Variants in SYPL1 observed in about 807,000 individuals in gnomAD.
The protein encoded by SYPL1 is synaptophysin like 1.
SYPL1 carries 6 observed loss-of-function variants against 23.7 expected under a neutral mutation model. The ratio of observed to expected loss-of-function variants is 0.25; its 90% CI spans 0.14 to 0.50. The LOEUF (loss-of-function observed/expected upper bound fraction) is 0.50, where lower values mean the gene tolerates loss of function less well. Among genes scored for constraint, SYPL1 ranks in the 20% least tolerant of loss-of-function variants. The pLI, the probability that SYPL1 is intolerant of heterozygous loss-of-function variation, is 0.98. For missense variants in SYPL1, 253 were observed against 288.9 expected (o/e 0.88, Z 0.90); for synonymous variants, 102 against 104.5 (o/e 0.98, Z 0.15).
At position 106,112,226 on chromosome 7, in the gene SYPL1, G is replaced by A. The variant is rs1170331593; in HGVS notation, c.-18C>T. The A allele has an allele frequency of 7.8e-6, 12 of 1,533,924 alleles. No individual in the cohort carries two copies. Among genetic ancestry groups the A allele is most frequent in the Admixed American group, 3.6e-5 (2 of 55,538 alleles). ...CCGGACATCCTCTGAGGAAAGGAGG[G>A]AGAGAGAGTCAGGACGACGGGGCGG... On this transcript the variant is annotated 5_prime_UTR_variant, in exon 1 of 5. Coordinates refer to ENST00000455385, the MANE Select transcript of SYPL1 (RefSeq NM_182715.4).
chr7:106,093,587 ATCTG>A (rs1380225020), intron 3 of SYPL1, among the ~76,000 whole-genome samples: 8 of 69,006 alleles, frequency 1.2e-4, no homozygotes, highest in Non-Finnish European at 2.3e-4. Flanking sequence ...AAGACCTACA[ATCTG>A]ATCCTACTGC....
chr7:106,107,790 T>C (rs961661922), intron 1 of SYPL1, among the ~76,000 whole-genome samples: 6 of 149,868 alleles, frequency 4.0e-5, no homozygotes, highest in Admixed American at 4.0e-4. Flanking sequence ...AACTCTAGAG[T>C]TCCTACTGAA....
rs537984265 is a variant in SYPL1, at chr7:106,104,728, A to G, written c.70-5446T>C. On this transcript the variant is annotated intron_variant, in intron 1 of 4. Coordinates refer to ENST00000455385, the MANE Select transcript of SYPL1 (RefSeq NM_182715.4). The surrounding 1 kb of genome is among the most constrained non-coding windows in gnomAD (Gnocchi z 4.1). ...TGACAGCAATTCTGGTCTTTATCTT[A>G]TAGAAAGAAGGGACAAAAGCACATA... 6.6e-6 allele frequency among the ~76,000 whole-genome samples: 1 copy of G among 152,346 alleles called. No homozygotes were observed. The highest frequency in any genetic ancestry group is 2.1e-4 in the South Asian group (1 of 4,830).
In SYPL1 at chr7:106,104,998, T is replaced by C. The variant is rs907446896; in HGVS notation, c.70-5716A>G. 6.6e-6 allele frequency among the ~76,000 whole-genome samples: 1 copy of C among 152,184 alleles called. No homozygotes were observed. Among genetic ancestry groups the C allele is most frequent in the Non-Finnish European group, 1.5e-5 (1 of 68,038 alleles). On this transcript the variant is annotated intron_variant, in intron 1 of 4. Coordinates refer to ENST00000455385, the MANE Select transcript of SYPL1 (RefSeq NM_182715.4). The surrounding 1 kb of genome is among the most constrained non-coding windows in gnomAD (Gnocchi z 4.1). ...TTGGATTTCCTGCTTTTCCTGAGTG[T>C]GTATGGGAAAGCTGAAGAATGGCAA...
Position 106,112,307 on chromosome 7 carries a change from T to A in SYPL1, c.-99A>T, listed in dbSNP as rs1278851935. ...GGTGGCGAGGAAGGGCAGGCGGGGC[T>A]GGCGCGCTGGCCGGGCTCGGAGGCG... On this transcript the variant is annotated 5_prime_UTR_variant, in exon 1 of 5. Transcript: ENST00000455385. 6.3e-6 allele frequency: 8 copies of A among 1,275,748 alleles called. No individual in the cohort carries two copies. The highest frequency in any genetic ancestry group is 8.0e-6 in the Non-Finnish European group (8 of 998,554). The allele number at this position is 1,275,748 out of a possible 1,614,324, so 79.0% of individuals were successfully genotyped here. A position where few individuals can be genotyped will look rare whatever the true frequency, so the allele number is the denominator to read the frequency against.
At chr7:106,106,701 T>TG (rs1840624580) in intron 1 of SYPL1, among the ~76,000 whole-genome samples, 1 of 151,800 alleles carries the variant, frequency 6.6e-6, no homozygotes, top group Non-Finnish European at 1.5e-5. Context: ...TAGAAGTAGC[T>TG]GGGGGTGGTG....
At chr7:106,102,939 A>G (rs1230352092) in intron 1 of SYPL1, among the ~76,000 whole-genome samples, 1 of 152,152 alleles carries the variant, frequency 6.6e-6, no homozygotes, top group Non-Finnish European at 1.5e-5. Flanking sequence ...TTTTTTTTGT[A>G]AAAAAGAACC....
intron 2 of SYPL1, among the ~76,000 whole-genome samples, chr7:106,098,396 T>C (rs1840138968): frequency 6.6e-6 from 1 of 152,192 alleles, no homozygotes; most frequent in African/African-American, 2.4e-5. Context: ...ATGTGAGAAG[T>C]GTCTAGGAGA....
In SYPL1 at chr7:106,104,715, T is replaced by C. The variant is rs1418754994; in HGVS notation, c.70-5433A>G. On this transcript the variant is annotated intron_variant, in intron 1 of 4. Coordinates refer to ENST00000455385, the MANE Select transcript of SYPL1 (RefSeq NM_182715.4). This position sits in a 1 kb window ranked among gnomAD's most constrained non-coding sequence, Gnocchi z 4.1. ...TAGATAAATATCATGACAGCAATTCTGGTCTTTATCTTATAGAAAGAAGGG... is the reference window on the plus strand; with the variant it reads ...TAGATAAATATCATGACAGCAATTCCGGTCTTTATCTTATAGAAAGAAGGG... 6.6e-6 allele frequency among the ~76,000 whole-genome samples: 1 copy of C among 152,272 alleles called. No homozygotes were observed. Among genetic ancestry groups the C allele is most frequent in the Non-Finnish European group, 1.5e-5 (1 of 68,052 alleles).
At chr7:106,105,050 A>T (rs963846111) in intron 1 of SYPL1, among the ~76,000 whole-genome samples, 1 of 152,196 alleles carries the variant, frequency 6.6e-6, no homozygotes, top group Admixed American at 6.5e-5. Flanking sequence ...TCATAAAGCA[A>T]CAATCAGAGA....
intron 2 of SYPL1, among the ~76,000 whole-genome samples, chr7:106,098,187 C>A (rs1343450146): frequency 6.6e-6 from 1 of 152,102 alleles, no homozygotes; most frequent in Admixed American, 6.5e-5. Context: ...GAGATTATAC[C>A]AAATGGTTTA....
At chr7:106,107,371 C>G (rs1042724032) in intron 1 of SYPL1, among the ~76,000 whole-genome samples, 1 of 152,236 alleles carries the variant, frequency 6.6e-6, no homozygotes, top group African/African-American at 2.4e-5. Flanking sequence ...CAGTTTCACT[C>G]TATCTCCCTT....
intron 1 of SYPL1, among the ~76,000 whole-genome samples, chr7:106,108,792 T>C (rs1462360947): frequency 6.6e-6 from 1 of 152,212 alleles, no homozygotes; most frequent in Non-Finnish European, 1.5e-5. Context: ...CAGTGGTGTT[T>C]ACCTCATCAA....
rs1366266271 is a variant in SYPL1 at position 106,096,031 on chromosome 7, G to C, written c.402+1659C>G. 6.6e-6 allele frequency among the ~76,000 whole-genome samples: 1 copy of C among 152,160 alleles called. No homozygotes were observed. Among genetic ancestry groups the C allele is most frequent in the Non-Finnish European group, 1.5e-5 (1 of 68,012 alleles). On this transcript the variant is annotated intron_variant, in intron 3 of 4. Coordinates refer to ENST00000455385, the MANE Select transcript of SYPL1 (RefSeq NM_182715.4). This position sits in a 1 kb window ranked among gnomAD's most constrained non-coding sequence, Gnocchi z 4.4. Reference sequence around the variant, plus strand: ...TGGGATGACAAAATGGCAAGAAATAGCTTCTAGTTATAAAGAATTTTAACA... The same window carrying C: ...TGGGATGACAAAATGGCAAGAAATACCTTCTAGTTATAAAGAATTTTAACA...
At chr7:106,099,549 C>A (rs1486176213) in intron 1 of SYPL1, among the ~76,000 whole-genome samples, 2 of 152,026 alleles carry the variant, frequency 1.3e-5, no homozygotes, top group Non-Finnish European at 2.9e-5. Context: ...CATCACCACA[C>A]CTGGCTAATT....
intron 1 of SYPL1, among the ~76,000 whole-genome samples, chr7:106,108,953 G>A (rs1019246139): frequency 1.3e-5 from 2 of 152,144 alleles, no homozygotes; most frequent in Admixed American, 1.3e-4. Flanking sequence ...AACTGGTGGG[G>A]AAAACTGCCG....
At position 106,104,924 on chromosome 7, in the gene SYPL1, TG is replaced by T. The variant is rs1049250684; in HGVS notation, c.70-5643del. Among the ~76,000 whole-genome samples the T allele has an allele frequency of 6.6e-5, 10 of 152,324 alleles. No individual in the cohort carries two copies. Among genetic ancestry groups the T allele is most frequent in the Admixed American group, 6.5e-4 (10 of 15,306 alleles). ...TGGCCTTTCCAGTATTACAAAAAAA[TG>T]TGAATTTGTTGTCATTGTTTTAATA... On this transcript the variant is annotated intron_variant, in intron 1 of 4. Transcript: ENST00000455385. This position sits in a 1 kb window ranked among gnomAD's most constrained non-coding sequence, Gnocchi z 4.1.
chr7:106,097,678 G>C lies in SYPL1; in HGVS notation c.402+12C>G. 6.3e-7 allele frequency: 1 copy of C among 1,584,296 alleles called. No individual in the cohort carries two copies. The highest frequency in any genetic ancestry group is 8.6e-7 in the Non-Finnish European group (1 of 1,164,894). On this transcript the variant is annotated intron_variant, in intron 3 of 4. Coordinates refer to ENST00000455385, the MANE Select transcript of SYPL1 (RefSeq NM_182715.4). The surrounding 1 kb of genome is among the most constrained non-coding windows in gnomAD (Gnocchi z 4.6). ...ATTATTTTTGTATTTAAAAAATAAA[G>C]TGATTACTTACTATCATAGGAAGTT...
intron 1 of SYPL1, 152 bp downstream of exon 1, chr7:106,111,988 C>T: frequency 9.9e-7 from 1 of 1,015,208 alleles, no homozygotes. Context: ...GCCGCGGCCT[C>T]CCTGCCCTCC....
Sources: allele counts gnomAD v4.1 joint callset (sites outside exome capture counted in the v4.1 genomes callset), GRCh38; gene constraint gnomAD v4.1.1; non-coding constraint Gnocchi (gnomAD v3.1); transcripts MANE v1.5; gene names NCBI Gene and HGNC (gene_info 2026-07-23, HGNC 2026-07-21).